Variants in TMEM132D observed in about 807,000 individuals in gnomAD.
TMEM132D encodes the protein mature OL transmembrane protein.
In TMEM132D, 21 loss-of-function variants were observed where a neutral mutation model predicts 62.3. The observed-to-expected ratio is 0.34, with a 90% confidence interval of 0.24 to 0.49. The LOEUF (loss-of-function observed/expected upper bound fraction) is 0.49, where lower values mean the gene tolerates loss of function less well. Among genes scored for constraint, TMEM132D ranks in the 20% least tolerant of loss-of-function variants. The pLI, the probability that TMEM132D is intolerant of heterozygous loss-of-function variation, is 0.99. For synonymous variants in TMEM132D, 621 were observed against 575.6 expected, an observed-to-expected ratio of 1.08 and a Z score of -1.13; for missense variants, 1,346 against 1,402.8, an observed-to-expected ratio of 0.96 and a Z score of 0.65.
chr12:129,699,147 C>T (rs914782602), intron 2 of TMEM132D, among the ~76,000 whole-genome samples: 2 of 152,254 alleles, frequency 1.3e-5, no homozygotes, highest in African/African-American at 2.4e-5. Context: ...TTCTCTCATA[C>T]GTTATATTCC....
chr12:129,463,473 T>TG (rs531804361), intron 3 of TMEM132D, among the ~76,000 whole-genome samples: 13,243 of 89,556 alleles, frequency 0.15, 737 homozygotes, highest in Non-Finnish European at 0.22. Context: ...TATTTATGTA[T>TG]TATTATTATT....
chr12:129,242,179 T>C (rs1879955362), intron 4 of TMEM132D, among the ~76,000 whole-genome samples: 1 of 152,246 alleles, frequency 6.6e-6, no homozygotes, highest in African/African-American at 2.4e-5. Flanking sequence ...TTCAGAAGAA[T>C]GGGGTTTTAC....
intron 3 of TMEM132D, among the ~76,000 whole-genome samples, chr12:129,407,346 T>C (rs1161872929): frequency 2.0e-5 from 3 of 152,194 alleles, no homozygotes; most frequent in African/African-American, 7.2e-5. Context: ...CTTCTTCGTC[T>C]GTCAGAATTC....
intron 2 of TMEM132D, among the ~76,000 whole-genome samples, chr12:129,597,261 A>G (rs1878363004): frequency 6.6e-6 from 1 of 152,172 alleles, no homozygotes; most frequent in African/African-American, 2.4e-5. Context: ...TGCTGATCTC[A>G]GTGGGAGAGG....
At chr12:129,544,542 T>TC (rs1385271995) in intron 2 of TMEM132D, among the ~76,000 whole-genome samples, 2 of 152,198 alleles carry the variant, frequency 1.3e-5, no homozygotes, top group East Asian at 3.9e-4. Context: ...CATGCACCAG[T>TC]CCCTAAATGC....
chr12:129,703,059 T>C (rs971971224), intron 1 of TMEM132D, among the ~76,000 whole-genome samples: 19 of 152,214 alleles, frequency 1.2e-4, no homozygotes, highest in African/African-American at 4.1e-4. Context: ...TAAAAACACA[T>C]CTTGGCACCA....
chr12:129,120,112 C>T (rs1032398307), intron 5 of TMEM132D, among the ~76,000 whole-genome samples: 1 of 151,994 alleles, frequency 6.6e-6, no homozygotes, highest in Non-Finnish European at 1.5e-5. Context: ...GAATCCTGGA[C>T]CATTATGGTG....
At chr12:129,632,180 A>G (rs1879362204) in intron 2 of TMEM132D, among the ~76,000 whole-genome samples, 1 of 152,164 alleles carries the variant, frequency 6.6e-6, no homozygotes, top group South Asian at 2.1e-4. Flanking sequence ...GCACCTTAGG[A>G]AATGCTTATA....
intron 5 of TMEM132D, among the ~76,000 whole-genome samples, chr12:129,146,366 A>G (rs1876898152): frequency 6.6e-6 from 1 of 152,028 alleles, no homozygotes; most frequent in Admixed American, 6.6e-5. Flanking sequence ...TAATTCTCTC[A>G]TCTCTTTCCC....
chr12:129,411,083 A>G (rs1167171596), intron 3 of TMEM132D, among the ~76,000 whole-genome samples: 2 of 152,016 alleles, frequency 1.3e-5, no homozygotes, highest in African/African-American at 4.8e-5. Flanking sequence ...GCTTATCTTT[A>G]TCAACTCATT....
chr12:129,173,146 T>A (rs1156291152), intron 5 of TMEM132D, among the ~76,000 whole-genome samples: 1 of 152,068 alleles, frequency 6.6e-6, no homozygotes, highest in Admixed American at 6.6e-5. Context: ...AGACATGAAG[T>A]GGGCACAAGC....
chr12:129,200,333 C>A (rs1338027518), intron 5 of TMEM132D, among the ~76,000 whole-genome samples: 2 of 152,198 alleles, frequency 1.3e-5, no homozygotes, highest in East Asian at 1.9e-4. Flanking sequence ...CAGAGATACT[C>A]CTTCACTAAT....
chr12:129,565,077 A>C (rs1877332350), intron 2 of TMEM132D, among the ~76,000 whole-genome samples: 1 of 152,208 alleles, frequency 6.6e-6, no homozygotes, highest in Admixed American at 6.5e-5. Context: ...AAATGGGTGA[A>C]CGGGAAATTC....
At chr12:129,672,878 G>A (rs755022468) in intron 2 of TMEM132D, among the ~76,000 whole-genome samples, 5 of 152,104 alleles carry the variant, frequency 3.3e-5, no homozygotes, top group Admixed American at 2.6e-4. Context: ...CTCTCCAGTA[G>A]CTGGGACTAC....
At chr12:129,258,566 G>A (rs759362516) in intron 4 of TMEM132D, among the ~76,000 whole-genome samples, 32 of 152,156 alleles carry the variant, frequency 2.1e-4, no homozygotes, top group Admixed American at 4.6e-4. Flanking sequence ...ATCTGTGAAG[G>A]GAAGGGTAAC....
intron 5 of TMEM132D, among the ~76,000 whole-genome samples, chr12:129,141,092 A>G (rs1372112292): frequency 6.6e-6 from 1 of 152,194 alleles, no homozygotes; most frequent in Non-Finnish European, 1.5e-5. Flanking sequence ...TGCATCATTC[A>G]TATATAGAAA....
intron 4 of TMEM132D, among the ~76,000 whole-genome samples, chr12:129,295,592 A>T (rs977233536): frequency 7.9e-5 from 12 of 151,950 alleles, no homozygotes; most frequent in African/African-American, 2.9e-4. Flanking sequence ...CACCATGCCC[A>T]GCTAATTTTG....
chr12:129,771,110 TC>T (rs1166829040), intron 1 of TMEM132D, among the ~76,000 whole-genome samples: 1 of 152,098 alleles, frequency 6.6e-6, no homozygotes, highest in Non-Finnish European at 1.5e-5. Flanking sequence ...TGTTCCTCTC[TC>T]CCCAAACAGC....
intron 3 of TMEM132D, among the ~76,000 whole-genome samples, chr12:129,478,404 C>A (rs1476630721): frequency 6.6e-6 from 1 of 152,224 alleles, no homozygotes; most frequent in Non-Finnish European, 1.5e-5. Flanking sequence ...CCATTATAAC[C>A]TTACGGAACC....
Sources: allele counts gnomAD v4.1 joint callset (sites outside exome capture counted in the v4.1 genomes callset), GRCh38; gene constraint gnomAD v4.1.1; transcripts MANE v1.5; gene names NCBI Gene and HGNC (gene_info 2026-07-23, HGNC 2026-07-21).